Variants in RAI14 observed in about 807,000 individuals in gnomAD.
RAI14 encodes the protein ankycorbin.
Under a neutral mutation model 115.4 loss-of-function variants are expected in RAI14, and 45 were observed. That is an observed-to-expected ratio of 0.39 (90% CI 0.31 to 0.50). RAI14 has a LOEUF of 0.50. Among genes scored for constraint, RAI14 ranks in the 20% least tolerant of loss-of-function variants. The pLI, the probability that RAI14 is intolerant of heterozygous loss-of-function variation, is 0.85. For missense variants in RAI14, 939 were observed against 1,131.2 expected, an observed-to-expected ratio of 0.83 and a Z score of 2.44; for synonymous variants, 371 against 415.4, an observed-to-expected ratio of 0.89 and a Z score of 1.30.
At position 34,726,335 on chromosome 5, in the gene RAI14, G is replaced by A. The variant is rs761114821; in HGVS notation, c.37-31133G>A. Among the ~76,000 whole-genome samples the A allele has an allele frequency of 1.4e-4, 21 of 152,216 alleles. 1 individual carries two copies. The highest frequency in any genetic ancestry group is 1.8e-4 in the Non-Finnish European group (12 of 68,040). ...GGAGGCATGCCTGGGGAGGCCTCATGAAACTTATGGTGGAAGGGTGAAGGG... is the reference window on the plus strand; with the variant it reads ...GGAGGCATGCCTGGGGAGGCCTCATAAAACTTATGGTGGAAGGGTGAAGGG... On this transcript the variant is annotated intron_variant, in intron 2 of 17. Transcript: ENST00000265109.
At chr5:34,687,785 C>A in intron 2 of RAI14, 1 of 1,517,890 alleles carries the variant, frequency 6.6e-7, no homozygotes, top group East Asian at 2.5e-5. Flanking sequence ...TAAAGATGAA[C>A]CTGGATTTTA....
intron 2 of RAI14, among the ~76,000 whole-genome samples, chr5:34,729,707 C>T (rs183716892): frequency 1.0e-3 from 154 of 152,226 alleles, no homozygotes; most frequent in African/African-American, 3.6e-3. Flanking sequence ...CTAGAATCCA[C>T]CTGGCTTCTT....
intron 3 of RAI14, among the ~76,000 whole-genome samples, chr5:34,774,375 T>TAAAC (rs1407353886): frequency 6.6e-6 from 1 of 151,424 alleles, no homozygotes; most frequent in East Asian, 1.9e-4. Context: ...TGCACAAAAA[T>TAAAC]AAACAAACAA....
intron 2 of RAI14, among the ~76,000 whole-genome samples, chr5:34,719,286 G>A (rs1742366637): frequency 6.6e-6 from 1 of 152,160 alleles, no homozygotes; most frequent in Admixed American, 6.5e-5. Context: ...CATGGTGGCT[G>A]GGTTCCAAAA....
At position 34,793,841 on chromosome 5, in the gene RAI14, C is replaced by A. The variant is rs148878429; in HGVS notation, c.168-2098C>A. 1.2e-3 allele frequency among the ~76,000 whole-genome samples: 189 copies of A among 152,188 alleles called. 2 individuals carry two copies. The highest frequency in any genetic ancestry group is 4.3e-3 in the African/African-American group (179 of 41,500). ...AGACATTAAGAAGCTAAATATTAAT[C>A]AATTTTAGGGCTTAGTAATCCAGGG... On this transcript the variant is annotated intron_variant, in intron 3 of 17. Transcript: ENST00000265109.
Position 34,824,278 on chromosome 5 carries a change from A to G in RAI14, c.2436A>G (p.Lys812=). The change falls in exon 15 of 18, where the codon AAA becomes AAG. Residue 812 remains lysine (K), a synonymous_variant. Coordinates refer to ENST00000265109, the MANE Select transcript of RAI14 (RefSeq NM_015577.3). ...CATCGAAATTAAAGGAATCTGTGAA[A>G]GAGAAAGAGAAGGTCCATTCAGAGG... ...VLASKLKESV[K]EKEKVHSEVV... is the part of the protein sequence containing the mutation. 6.2e-7 allele frequency: 1 copy of G among 1,614,242 alleles called. No individual in the cohort carries two copies. The highest frequency in any genetic ancestry group is 2.2e-5 in the East Asian group (1 of 44,880).
rs571821709 is a variant in RAI14 at position 34,704,930 on chromosome 5, T to C, written c.36+17975T>C. 4.6e-5 allele frequency among the ~76,000 whole-genome samples: 7 copies of C among 152,270 alleles called. No individual in the cohort carries two copies. The South Asian group carries it at 1.5e-3, about 32-fold the overall frequency. ...ATGTGTCTGTCTAGCATGTAAAATA[T>C]GGCTAGAGCTACTAAGGAACTGAAT... On this transcript the variant is annotated intron_variant, in intron 2 of 17. Transcript: ENST00000265109.
At chr5:34,780,687 C>T (rs1329652094) in intron 3 of RAI14, among the ~76,000 whole-genome samples, 1 of 152,142 alleles carries the variant, frequency 6.6e-6, no homozygotes, top group Non-Finnish European at 1.5e-5. Context: ...CATCTCACAC[C>T]AGTTAGAATG....
At chr5:34,747,312 G>A (rs150445094) in intron 2 of RAI14, among the ~76,000 whole-genome samples, 1 of 152,342 alleles carries the variant, frequency 6.6e-6, no homozygotes, top group African/African-American at 2.4e-5. Flanking sequence ...ATATAGTACA[G>A]CTCCTCGCAC....
At chr5:34,806,569 A>C (rs1179123028) in intron 5 of RAI14, among the ~76,000 whole-genome samples, 1 of 152,018 alleles carries the variant, frequency 6.6e-6, no homozygotes, top group African/African-American at 2.4e-5. Flanking sequence ...AAAAAAGTTG[A>C]CAGGGCATGG....
At chr5:34,691,528 G>A (rs1738599700) in intron 2 of RAI14, among the ~76,000 whole-genome samples, 1 of 152,180 alleles carries the variant, frequency 6.6e-6, no homozygotes, top group Non-Finnish European at 1.5e-5. Flanking sequence ...AAAAGGCTGG[G>A]ATTTCCCTTT....
At chr5:34,742,272 T>C (rs1420539211) in intron 2 of RAI14, among the ~76,000 whole-genome samples, 3 of 152,212 alleles carry the variant, frequency 2.0e-5, no homozygotes, top group Admixed American at 6.5e-5. Flanking sequence ...GTATTAAGTC[T>C]ATATGTGCTG....
rs191842913 is a variant in RAI14, at chr5:34,727,188, A to G, written c.37-30280A>G. Among the ~76,000 whole-genome samples, 24 of 152,314 alleles carry G rather than the reference A, an allele frequency of 1.6e-4. No homozygotes were observed. The East Asian group carries it at 4.4e-3, about 28-fold the overall frequency. ...AGGAGCTTGTTGGGAATTGGAGTAAAGGTCACTCTTGTTATGTTTTAGCAA... is the reference window on the plus strand; with the variant it reads ...AGGAGCTTGTTGGGAATTGGAGTAAGGGTCACTCTTGTTATGTTTTAGCAA... On this transcript the variant is annotated intron_variant, in intron 2 of 17. Coordinates refer to ENST00000265109, the MANE Select transcript of RAI14 (RefSeq NM_015577.3).
chr5:34,809,325 A>G (rs966273586), intron 7 of RAI14, among the ~76,000 whole-genome samples: 6 of 152,150 alleles, frequency 3.9e-5, no homozygotes, highest in African/African-American at 1.4e-4. Flanking sequence ...TGGTATTTCC[A>G]TTTACAAAAT....
rs1464455846 is a variant in RAI14, at chr5:34,832,337, T to C, written c.*1572T>C. Reference sequence around the variant, plus strand: ...AATTATAGTTAAGCAATTTCAAAAATGCTCCAAAGAAATGTGAAAGGACCT... The same window carrying C: ...AATTATAGTTAAGCAATTTCAAAAACGCTCCAAAGAAATGTGAAAGGACCT... On this transcript the variant is annotated 3_prime_UTR_variant, in exon 18 of 18. Transcript: ENST00000265109. 1 of 152,652 alleles carries C rather than the reference T, an allele frequency of 6.6e-6. No individual in the cohort carries two copies. The allele number at this position is 152,652 out of a possible 1,614,324, so 9.5% of individuals were successfully genotyped here.
chr5:34,781,710 G>T (rs1252434922), intron 3 of RAI14, among the ~76,000 whole-genome samples: 3 of 152,200 alleles, frequency 2.0e-5, no homozygotes, highest in African/African-American at 7.2e-5. Flanking sequence ...CAACGTAGTT[G>T]CCATATGACT....
chr5:34,785,181 C>T (rs1173323537), intron 3 of RAI14, among the ~76,000 whole-genome samples: 1 of 152,144 alleles, frequency 6.6e-6, no homozygotes. Context: ...GGCCACTGTT[C>T]TATCAAAATT....
At position 34,824,215 on chromosome 5, in the gene RAI14, A is replaced by C; in HGVS notation, c.2373A>C (p.Lys791Asn). Residue 791 changes from lysine to asparagine, a missense_variant, in exon 15 of 18, where the codon AAA becomes AAC. Physicochemically the swap from Lys to Asn is moderately conservative, Grantham distance 94 (BLOSUM62 0). Coordinates refer to ENST00000265109, the MANE Select transcript of RAI14 (RefSeq NM_015577.3). ...DAMVPRSSYE[K>N]LQSSLESEVS... ...TGGTACCTCGGTCTTCCTATGAAAA[A>C]CTCCAGTCATCCTTAGAGAGTGAAG... 3 of 1,613,856 alleles carry C rather than the reference A, an allele frequency of 1.9e-6. No homozygotes were observed. Among genetic ancestry groups the C allele is most frequent in the Non-Finnish European group, 2.5e-6 (3 of 1,179,952 alleles).
chr5:34,720,502 C>T (rs975405593), intron 2 of RAI14, among the ~76,000 whole-genome samples: 5 of 150,720 alleles, frequency 3.3e-5, no homozygotes, highest in South Asian at 2.1e-4. Flanking sequence ...GCTCCACCTC[C>T]CGGGTTCATG....
Sources: gnomAD v4.1 joint callset for allele counts (sites outside exome capture counted in the v4.1 genomes callset) on GRCh38, gnomAD v4.1.1 for gene constraint, MANE v1.5 for transcripts, NCBI Gene and HGNC (gene_info 2026-07-23, HGNC 2026-07-21) for gene names.